The following PCDH11X variants were observed in gnomAD, a reference collection of about 807,000 sequenced individuals.
PCDH11X encodes the protein protocadherin 11 X-linked.
A neutral mutation model predicts 53.3 loss-of-function variants in PCDH11X; 18 were observed. That is an observed-to-expected ratio of 0.34 (90% CI 0.23 to 0.50). The LOEUF (loss-of-function observed/expected upper bound fraction) is 0.50, where lower values mean the gene tolerates loss of function less well. PCDH11X is among the 20% of genes least tolerant of loss of function. PCDH11X has a pLI of 0.98. For synonymous variants in PCDH11X, 279 were observed against 393.3 expected, an observed-to-expected ratio of 0.71 and a Z score of 3.44; for missense variants, 570 against 1,032.4, an observed-to-expected ratio of 0.55 and a Z score of 6.14.
intron 5 of PCDH11X, among the ~76,000 whole-genome samples, chrX:91,863,623 C>T (rs989479958): frequency 9.0e-6 from 1 of 111,313 alleles, no homozygotes; most frequent in African/African-American, 3.3e-5. Flanking sequence ...TAAGGACTTA[C>T]TCCTGCCATT....
At chrX:92,225,945 G>A (rs1314951242) in intron 7 of PCDH11X, among the ~76,000 whole-genome samples, 2 of 111,400 alleles carry the variant, frequency 1.8e-5, no homozygotes, top group Non-Finnish European at 3.8e-5. Context: ...TTATTTTGGG[G>A]AACAAGTATG....
At chrX:92,418,331 C>T (rs1014659722) in intron 9 of PCDH11X, among the ~76,000 whole-genome samples, 6 of 111,032 alleles carry the variant, frequency 5.4e-5, no homozygotes, top group Non-Finnish European at 9.4e-5. Context: ...CAAAAGTATG[C>T]ATGCATTTCA....
Position 91,835,271 on chromosome X carries a change from T to C in PCDH11X, c.-44-190T>C. 2.8e-6 allele frequency: 3 copies of C among 1,085,753 alleles called. No homozygotes were observed. The East Asian group carries it at 9.5e-5, about 35-fold the overall frequency. The allele number at this position is 1,085,753 out of a possible 1,213,427, so 89.5% of individuals were successfully genotyped here. ...CTGTAGGTATCTTATTTCATTTATC[T>C]TTATTCTTAATGTACGAATTCATAA... On this transcript the variant is annotated intron_variant, in intron 4 of 10. Transcript: ENST00000682573.
At chrX:92,355,921 TA>T (rs1298760258) in intron 8 of PCDH11X, among the ~76,000 whole-genome samples, 13 of 106,005 alleles carry the variant, frequency 1.2e-4, no homozygotes, top group Admixed American at 3.1e-4. Flanking sequence ...TTGCAAATTC[TA>T]AAAAAAAAAC....
chrX:91,918,801 A>G (rs1010861907), intron 6 of PCDH11X, among the ~76,000 whole-genome samples: 3 of 111,327 alleles, frequency 2.7e-5, no homozygotes, highest in African/African-American at 9.8e-5. Flanking sequence ...TTTTTAAAAA[A>G]TTTTTATGAG....
Position 92,107,214 on chromosome X carries a change from C to T in PCDH11X, c.3034-94161C>T, listed in dbSNP as rs532418528. On this transcript the variant is annotated intron_variant, in intron 6 of 10. Coordinates refer to ENST00000682573, the MANE Select transcript of PCDH11X (RefSeq NM_032968.5). ...TGTAAATCTTACATGTGTTGATTGA[C>T]GTGTGATGTCTCCTCAAAATATGTA... is the stretch of plus-strand genomic sequence containing the variant. Among the ~76,000 whole-genome samples, 30 of 111,353 alleles carry T rather than the reference C, an allele frequency of 2.7e-4. No homozygotes were observed. The South Asian group carries it at 0.011, about 41-fold the overall frequency.
At chrX:92,218,892 A>G (rs2066788843) in intron 7 of PCDH11X, among the ~76,000 whole-genome samples, 1 of 111,873 alleles carries the variant, frequency 8.9e-6, no homozygotes, top group African/African-American at 3.2e-5. Context: ...CTGGTTCAAT[A>G]TATGCAAATC....
intron 6 of PCDH11X, among the ~76,000 whole-genome samples, chrX:92,200,291 G>A (rs2066367436): frequency 9.0e-6 from 1 of 111,101 alleles, no homozygotes; most frequent in Non-Finnish European, 1.9e-5. Context: ...TGGAGAGGAT[G>A]TGGAAAAAGG....
intron 8 of PCDH11X, among the ~76,000 whole-genome samples, chrX:92,345,954 T>A (rs1232249222): frequency 9.1e-6 from 1 of 109,588 alleles, no homozygotes; most frequent in Admixed American, 9.8e-5. Flanking sequence ...AGCAAAAGAA[T>A]CCTAATATAT....
intron 1 of PCDH11X, chrX:91,798,072 T>C (rs1337277015): frequency 1.1e-5 from 1 of 89,778 alleles, no homozygotes; most frequent in African/African-American, 5.0e-5. Flanking sequence ...TTTTAAAAAC[T>C]TGAAAAAAAA....
intron 10 of PCDH11X, among the ~76,000 whole-genome samples, chrX:92,585,462 C>T: frequency 9.4e-6 from 1 of 106,353 alleles, no homozygotes; most frequent in Non-Finnish European, 1.9e-5. Flanking sequence ...AGCTCCGCCT[C>T]CCGGGTTCAT....
At chrX:91,912,225 G>A (rs1390760106) in intron 6 of PCDH11X, among the ~76,000 whole-genome samples, 1 of 111,018 alleles carries the variant, frequency 9.0e-6, no homozygotes, top group African/African-American at 3.3e-5. Context: ...CTGCAAACAG[G>A]GATAATTTGA....
intron 6 of PCDH11X, among the ~76,000 whole-genome samples, chrX:92,179,534 G>A (rs17174383): frequency 0.01 from 1,162 of 111,600 alleles, 11 homozygotes; most frequent in African/African-American, 0.036. Context: ...ACCATATGCT[G>A]GAATGATACA....
At chrX:91,963,306 A>G (rs1173274296) in intron 6 of PCDH11X, among the ~76,000 whole-genome samples, 1 of 110,829 alleles carries the variant, frequency 9.0e-6, no homozygotes, top group African/African-American at 3.3e-5. Flanking sequence ...CTCTTGAATG[A>G]TTTACTACTT....
At chrX:92,206,318 C>T (rs62607488) in intron 7 of PCDH11X, among the ~76,000 whole-genome samples, 3,811 of 110,989 alleles carry the variant, frequency 0.034, 78 homozygotes, top group East Asian at 0.19. Flanking sequence ...TTATTTTTAA[C>T]AAGATATTCA....
chrX:92,218,304 A>T (rs1033151108), intron 7 of PCDH11X, among the ~76,000 whole-genome samples: 2 of 63,916 alleles, frequency 3.1e-5, no homozygotes, highest in African/African-American at 1.1e-4. Context: ...CACTAGCAAG[A>T]CTAATAAAGA....
At chrX:92,544,104 G>A (rs2074805213) in intron 10 of PCDH11X, among the ~76,000 whole-genome samples, 1 of 109,181 alleles carries the variant, frequency 9.2e-6, no homozygotes, top group Middle Eastern at 4.7e-3. Context: ...TTCACACCAT[G>A]GACTAATTTA....
At chrX:92,587,992 A>G (rs1278416463) in intron 10 of PCDH11X, among the ~76,000 whole-genome samples, 2 of 107,272 alleles carry the variant, frequency 1.9e-5, no homozygotes, top group Non-Finnish European at 3.9e-5. Flanking sequence ...AGGCTAATAT[A>G]TTTCTCTAGG....
At chrX:92,070,186 G>C (rs145684294) in intron 6 of PCDH11X, among the ~76,000 whole-genome samples, 2 of 111,219 alleles carry the variant, frequency 1.8e-5, no homozygotes, top group South Asian at 7.5e-4. Context: ...TTTCTATTTC[G>C]AGTAAGAGTA....
Sources: gnomAD v4.1 joint callset for allele counts (sites outside exome capture counted in the v4.1 genomes callset) on GRCh38, gnomAD v4.1.1 for gene constraint, MANE v1.5 for transcripts, NCBI Gene and HGNC (gene_info 2026-07-23, HGNC 2026-07-21) for gene names.